RABL2A: variants seen among roughly 807,000 people sequenced by gnomAD.
RABL2A encodes the protein RAB, member of RAS oncogene family like 2A.
RABL2A carries 17 observed loss-of-function variants against 30.7 expected under a neutral mutation model. The observed-to-expected ratio is 0.55, with a 90% CI of 0.38 to 0.83. RABL2A has a LOEUF of 0.83. RABL2A is among the 40% of genes least tolerant of loss of function. The pLI is 0.00. For synonymous variants in RABL2A, 64 were observed against 101.8 expected (o/e 0.63, Z 2.24); for missense variants, 155 against 272.6 (o/e 0.57, Z 3.04).
intron 2 of RABL2A, among the ~76,000 whole-genome samples, 164 bp from the exon 3 acceptor site, chr2:113,632,751 T>G (rs1275748484): frequency 6.6e-6 from 1 of 152,188 alleles, no homozygotes; most frequent in African/African-American, 2.4e-5. Flanking sequence ...TTGGTAATGC[T>G]GATACCCAAT....
chr2:113,637,460 G>A (rs1683352080), intron 5 of RABL2A: 4 of 1,110,460 alleles, frequency 3.6e-6, no homozygotes, highest in Non-Finnish European at 4.5e-6. Context: ...AAAGACACAC[G>A]TGCTGCCCCC....
Position 113,641,287 on chromosome 2 carries a change from A to G in RABL2A, c.410-66A>G, listed in dbSNP as rs546476581. 5.2e-5 allele frequency: 83 copies of G among 1,608,792 alleles called. 1 individual carries two copies. In the African/African-American group the frequency reaches 9.2e-4, roughly 18 times the overall value. ...CCCACTTTCTGGAATGAAGGCCTCC[A>G]GTGGCCCCCCCTCCAAACCTTCTTC... On this transcript the variant is annotated intron_variant, in intron 6 of 8. Coordinates refer to ENST00000683472, the MANE Select transcript of RABL2A (RefSeq NM_001306158.2).
At chr2:113,638,558 T>A in intron 5 of RABL2A, 1 of 985,314 alleles carries the variant, frequency 1.0e-6, no homozygotes, top group Non-Finnish European at 1.2e-6. Context: ...TCATCCTTCT[T>A]GCTGATATTT....
At chr2:113,635,917 G>A (rs1330617062) in intron 5 of RABL2A, among the ~76,000 whole-genome samples, 1 of 149,218 alleles carries the variant, frequency 6.7e-6, no homozygotes, top group African/African-American at 2.5e-5. Context: ...GACCAGCGTG[G>A]CCAACATGGT....
At chr2:113,636,755 G>A (rs1158407276) in intron 5 of RABL2A, among the ~76,000 whole-genome samples, 10 of 152,116 alleles carry the variant, frequency 6.6e-5, no homozygotes, top group Non-Finnish European at 1.0e-4. Flanking sequence ...TTGGGTGGCC[G>A]AGGCGGGCGG....
At chr2:113,634,848 A>G (rs935029961) in intron 4 of RABL2A, among the ~76,000 whole-genome samples, 2 of 152,158 alleles carry the variant, frequency 1.3e-5, no homozygotes, top group African/African-American at 4.8e-5. Flanking sequence ...CCATACACAC[A>G]GGTGAAGACA....
intron 5 of RABL2A, chr2:113,638,190 A>C: frequency 1.0e-6 from 1 of 985,444 alleles, no homozygotes; most frequent in Non-Finnish European, 1.2e-6. Context: ...CTTCATCGGG[A>C]ATTCAAGACA....
chr2:113,632,899 C>T lies in RABL2A; in HGVS notation c.108-16C>T, dbSNP rs1680956012. The T allele has an allele frequency of 6.2e-7, 1 of 1,614,062 alleles. No homozygotes were observed. Among genetic ancestry groups the T allele is most frequent in the African/African-American group, 1.3e-5 (1 of 74,916 alleles). On this transcript the variant is annotated splice_polypyrimidine_tract_variant and intron_variant, in intron 2 of 8. Transcript: ENST00000683472. ...ATGGAGACGCCATCTGACCACCTTGCCTGTTCTGCTTACAGACTCATGGAG... is the reference window on the plus strand; with the variant it reads ...ATGGAGACGCCATCTGACCACCTTGTCTGTTCTGCTTACAGACTCATGGAG...
Sources: allele counts gnomAD v4.1 joint callset (sites outside exome capture counted in the v4.1 genomes callset), GRCh38; gene constraint gnomAD v4.1.1; transcripts MANE v1.5; gene names NCBI Gene and HGNC (gene_info 2026-07-23, HGNC 2026-07-21).